The following GALNT13 variants were observed in gnomAD, a reference collection of about 807,000 sequenced individuals.
GALNT13 encodes the protein polypeptide N-acetylgalactosaminyltransferase 13.
Under a neutral mutation model 64.2 loss-of-function variants are expected in GALNT13, and 28 were observed. That is an observed-to-expected ratio of 0.44 (90% confidence interval 0.32 to 0.60). The LOEUF is 0.60. Among genes scored for constraint, GALNT13 ranks in the 20% least tolerant of loss-of-function variants. The pLI is 0.05. For missense variants in GALNT13, 577 were observed against 669.8 expected (o/e 0.86, Z 1.53); for synonymous variants, 214 against 224.6 (o/e 0.95, Z 0.42).
intron 8 of GALNT13, among the ~76,000 whole-genome samples, chr2:154,298,608 T>TACA (rs1190599505): frequency 2.6e-4 from 1 of 3,864 alleles, no homozygotes; most frequent in African/African-American, 7.5e-4. Context: ...AATGTATATA[T>TACA]TAATTTATAT....
chr2:153,818,821 C>T, the GALNT13 span, among the ~76,000 whole-genome samples: 5,732 of 152,208 alleles, frequency 0.038, 155 homozygotes, highest in East Asian at 0.13. Flanking sequence ...ATCCCAGAGC[C>T]CTTCTGAAAA....
chr2:153,864,122 T>C, the GALNT13 span, among the ~76,000 whole-genome samples: 1 of 152,206 alleles, frequency 6.6e-6, no homozygotes, highest in Admixed American at 6.6e-5. Context: ...TACTTTCTAT[T>C]TAGTTACTTT....
chr2:154,336,860 T>C (rs1695471267), intron 9 of GALNT13, among the ~76,000 whole-genome samples: 1 of 152,104 alleles, frequency 6.6e-6, no homozygotes, highest in African/African-American at 2.4e-5. Context: ...GTCCTTTTGG[T>C]ACACAACTGG....
At chr2:154,154,432 CAT>C (rs1302518685) in intron 4 of GALNT13, among the ~76,000 whole-genome samples, 3 of 152,054 alleles carry the variant, frequency 2.0e-5, no homozygotes, top group Admixed American at 6.6e-5. Context: ...TTTATTTAGA[CAT>C]GTGATAATAG....
the GALNT13 span, among the ~76,000 whole-genome samples, chr2:153,103,825 C>G: frequency 6.6e-6 from 1 of 152,222 alleles, no homozygotes; most frequent in African/African-American, 2.4e-5. Flanking sequence ...AGAAATTAAT[C>G]TGCTGCTTGG....
At chr2:153,230,264 T>G in the GALNT13 span, among the ~76,000 whole-genome samples, 4 of 152,224 alleles carry the variant, frequency 2.6e-5, no homozygotes, top group African/African-American at 7.2e-5. Context: ...TCTAATTTTC[T>G]TATAGAGCGA....
At chr2:153,933,692 T>G (rs185364804) in intron 2 of GALNT13, among the ~76,000 whole-genome samples, 1,740 of 152,234 alleles carry the variant, frequency 0.011, 25 homozygotes, top group African/African-American at 0.038. Flanking sequence ...CAGTGGGCTA[T>G]TTATTTAAGT....
the GALNT13 span, among the ~76,000 whole-genome samples, chr2:153,243,896 T>A: frequency 1.1e-4 from 16 of 152,052 alleles, no homozygotes; most frequent in African/African-American, 3.6e-4. Context: ...AATGGAAAAT[T>A]GTATAGGGTT....
the GALNT13 span, among the ~76,000 whole-genome samples, chr2:153,470,277 C>T: frequency 6.6e-6 from 1 of 152,030 alleles, no homozygotes; most frequent in African/African-American, 2.4e-5. Flanking sequence ...GCCTTGTATC[C>T]TCACAGGAGC....
the GALNT13 span, among the ~76,000 whole-genome samples, chr2:153,446,578 G>A: frequency 6.6e-6 from 1 of 152,128 alleles, no homozygotes; most frequent in Non-Finnish European, 1.5e-5. Context: ...GAATCTATCA[G>A]ATTAATTCTG....
chr2:153,969,134 A>C (rs1360072111), intron 3 of GALNT13, among the ~76,000 whole-genome samples: 1 of 152,028 alleles, frequency 6.6e-6, no homozygotes, highest in Non-Finnish European at 1.5e-5. Context: ...CTTTATGTAT[A>C]CCAGGGTCTG....
the GALNT13 span, chr2:153,478,164 A>T: frequency 7.9e-7 from 1 of 1,263,274 alleles, no homozygotes; most frequent in Admixed American, 2.1e-5. Flanking sequence ...CCAGTCTCTG[A>T]TAGTGAGGGG....
chr2:153,703,784 G>A, the GALNT13 span, among the ~76,000 whole-genome samples: 1 of 152,100 alleles, frequency 6.6e-6, no homozygotes, highest in South Asian at 2.1e-4. Flanking sequence ...ATAGCTCATA[G>A]ATAGCAGAAT....
At chr2:154,428,154 A>T (rs1190391596) in intron 11 of GALNT13, among the ~76,000 whole-genome samples, 1 of 152,110 alleles carries the variant, frequency 6.6e-6, no homozygotes, top group African/African-American at 2.4e-5. Context: ...CTCCCAGAGG[A>T]TGCAAAGGTC....
intron 8 of GALNT13, among the ~76,000 whole-genome samples, chr2:154,265,220 A>G (rs1690925426): frequency 6.6e-6 from 1 of 152,018 alleles, no homozygotes; most frequent in South Asian, 2.1e-4. Context: ...AACTTCATTA[A>G]AAGATACAAA....
At chr2:153,346,283 T>C in the GALNT13 span, among the ~76,000 whole-genome samples, 2 of 152,210 alleles carry the variant, frequency 1.3e-5, no homozygotes, top group African/African-American at 4.8e-5. Context: ...AAATCTTCTA[T>C]AGCCTTCTTT....
the GALNT13 span, among the ~76,000 whole-genome samples, chr2:153,631,272 C>T: frequency 2.6e-5 from 4 of 152,102 alleles, no homozygotes; most frequent in African/African-American, 7.2e-5. Flanking sequence ...AATAAACATA[C>T]GTGTGCATGT....
chr2:153,294,220 G>A, the GALNT13 span, among the ~76,000 whole-genome samples: 2 of 152,042 alleles, frequency 1.3e-5, no homozygotes, highest in African/African-American at 4.8e-5. Context: ...GTGCAGGCAG[G>A]TGAGTGGCAA....
chr2:153,886,128 G>T (rs958362269), intron 1 of GALNT13, among the ~76,000 whole-genome samples: 1 of 150,416 alleles, frequency 6.6e-6, no homozygotes, highest in African/African-American at 2.4e-5. Flanking sequence ...TTTAATTTAT[G>T]TGGTAAAACC....
Sources: allele counts gnomAD v4.1 joint callset (sites outside exome capture counted in the v4.1 genomes callset), GRCh38; gene constraint gnomAD v4.1.1; transcripts MANE v1.5; gene names NCBI Gene and HGNC (gene_info 2026-07-23, HGNC 2026-07-21).